The following TFDP2 variants were observed in gnomAD, a reference collection of about 807,000 sequenced individuals.
TFDP2 encodes transcription factor Dp-2.
In TFDP2, 17 loss-of-function variants were observed where a neutral mutation model predicts 59.3. The ratio of observed to expected loss-of-function variants is 0.29; its 90% CI spans 0.20 to 0.43. The LOEUF is 0.43. TFDP2 is among the 20% of genes least tolerant of loss of function. The pLI, the probability that TFDP2 is intolerant of heterozygous loss-of-function variation, is 1.00. For missense variants in TFDP2, 391 were observed against 528.8 expected (o/e 0.74, Z 2.56); for synonymous variants, 180 against 194.7 (o/e 0.92, Z 0.63).
At chr3:142,051,752 G>A (rs558559771) in intron 3 of TFDP2, among the ~76,000 whole-genome samples, 1 of 152,256 alleles carries the variant, frequency 6.6e-6, no homozygotes, top group East Asian at 1.9e-4. Flanking sequence ...TTTTTGACTG[G>A]TTGTTGCTGG....
intron 1 of TFDP2, among the ~76,000 whole-genome samples, chr3:142,114,711 A>C (rs937005253): frequency 7.2e-5 from 11 of 152,046 alleles, no homozygotes; most frequent in Non-Finnish European, 1.6e-4. Flanking sequence ...GGAAAGTTGA[A>C]TGATGTATGT....
In TFDP2 at chr3:141,952,254, T is replaced by C. The variant is rs950080923; in HGVS notation, c.*259A>G. On this transcript the variant is annotated 3_prime_UTR_variant, in exon 13 of 13. Transcript: ENST00000489671. ...CACACTGCCAACTCTTCAGGGATTA[T>C]CCCCACTATCTCCTCAGAAAGCATG... The C allele has an allele frequency of 6.0e-6, 2 of 332,920 alleles. No homozygotes were observed. Among genetic ancestry groups the C allele is most frequent in the South Asian group, 7.4e-5 (1 of 13,596 alleles). The allele number at this position is 332,920 out of a possible 1,614,324, so 20.6% of individuals were successfully genotyped here.
intron 9 of TFDP2, among the ~76,000 whole-genome samples, chr3:141,968,561 T>G (rs1478697098): frequency 2.7e-5 from 3 of 109,970 alleles, no homozygotes; most frequent in African/African-American, 3.9e-5. Flanking sequence ...CTCATATATA[T>G]AGATATATAT....
chr3:142,005,789 T>C (rs1944159132), intron 3 of TFDP2, among the ~76,000 whole-genome samples: 1 of 152,208 alleles, frequency 6.6e-6, no homozygotes, highest in East Asian at 1.9e-4. Flanking sequence ...ATAAAATAAA[T>C]AGTTCCAATT....
At chr3:142,021,519 A>G (rs1208161336) in intron 3 of TFDP2, among the ~76,000 whole-genome samples, 1 of 152,156 alleles carries the variant, frequency 6.6e-6, no homozygotes, top group African/African-American at 2.4e-5. Context: ...AATAAATCTT[A>G]TATGTCAGTC....
At chr3:142,136,822 T>C (rs1297883084) in intron 1 of TFDP2, among the ~76,000 whole-genome samples, 1 of 152,104 alleles carries the variant, frequency 6.6e-6, no homozygotes, top group Admixed American at 6.5e-5. Flanking sequence ...TCAGGTACCA[T>C]GTTGCCTCCA....
At chr3:142,034,546 A>G (rs1576790497) in intron 3 of TFDP2, among the ~76,000 whole-genome samples, 1 of 152,138 alleles carries the variant, frequency 6.6e-6, no homozygotes, top group Admixed American at 6.5e-5. Flanking sequence ...CAAAAACCCA[A>G]TTTGGCTTCT....
intron 1 of TFDP2, among the ~76,000 whole-genome samples, chr3:142,114,628 A>T (rs1577018381): frequency 6.6e-6 from 1 of 151,834 alleles, no homozygotes; most frequent in Non-Finnish European, 1.5e-5. Flanking sequence ...CATTTTTCTC[A>T]ATTTTCAAGC....
chr3:142,034,118 G>A (rs186688949), intron 3 of TFDP2, among the ~76,000 whole-genome samples: 2,224 of 141,076 alleles, frequency 0.016, 67 homozygotes, highest in African/African-American at 0.056. Flanking sequence ...TTTTTGAGAC[G>A]GAGTTTTGCT....
intron 1 of TFDP2, among the ~76,000 whole-genome samples, chr3:142,128,892 A>T (rs2062381404): frequency 7.3e-6 from 1 of 136,686 alleles, no homozygotes; most frequent in Non-Finnish European, 1.5e-5. Context: ...GAAATAAATT[A>T]ATTATAAAAA....
At position 141,951,577 on chromosome 3, in the gene TFDP2, G is replaced by A. The variant is rs1935942562; in HGVS notation, c.*936C>T. The A allele has an allele frequency of 6.6e-6, 1 of 152,626 alleles. No individual in the cohort carries two copies. Among genetic ancestry groups the A allele is most frequent in the African/African-American group, 2.4e-5 (1 of 41,446 alleles). The allele number at this position is 152,626 out of a possible 1,614,324, so 9.5% of individuals were successfully genotyped here. On this transcript the variant is annotated 3_prime_UTR_variant, in exon 13 of 13. Coordinates refer to ENST00000489671, the MANE Select transcript of TFDP2 (RefSeq NM_001178139.2). Reference sequence around the variant, plus strand: ...GACATTTGGTTCATTTTCACAAATTGCACACTGGGTGAGATCATACAATTA... The same window carrying A: ...GACATTTGGTTCATTTTCACAAATTACACACTGGGTGAGATCATACAATTA...
intron 6 of TFDP2, among the ~76,000 whole-genome samples, chr3:141,985,041 CT>C (rs1437294415): frequency 1.3e-5 from 2 of 151,916 alleles, no homozygotes; most frequent in Non-Finnish European, 2.9e-5. Context: ...TGGTTAACTA[CT>C]ACTGCTGCCA....
intron 1 of TFDP2, among the ~76,000 whole-genome samples, chr3:142,103,833 C>T (rs944611567): frequency 2.6e-5 from 4 of 151,548 alleles, no homozygotes; most frequent in Admixed American, 2.0e-4. Flanking sequence ...AAATGGCTGC[C>T]TTATATGTTA....
At chr3:142,041,106 T>C (rs75465423) in intron 3 of TFDP2, among the ~76,000 whole-genome samples, 7,397 of 152,232 alleles carry the variant, frequency 0.049, 602 homozygotes, top group African/African-American at 0.17. Flanking sequence ...GAATTATCAA[T>C]CCTAAAGGAA....
intron 1 of TFDP2, among the ~76,000 whole-genome samples, chr3:142,107,826 A>C (rs974018203): frequency 1.3e-5 from 2 of 152,186 alleles, no homozygotes; most frequent in African/African-American, 4.8e-5. Flanking sequence ...CTGACTTGAG[A>C]TATAATAAAT....
At chr3:142,062,186 C>T (rs2059938384) in intron 3 of TFDP2, among the ~76,000 whole-genome samples, 1 of 151,964 alleles carries the variant, frequency 6.6e-6, no homozygotes, top group South Asian at 2.1e-4. Flanking sequence ...CTCTGGCTTA[C>T]TTTATTGTAA....
At chr3:142,134,026 T>G (rs1387193183) in intron 1 of TFDP2, among the ~76,000 whole-genome samples, 2 of 130,916 alleles carry the variant, frequency 1.5e-5, no homozygotes, top group Non-Finnish European at 3.3e-5. Flanking sequence ...AGAGCAAGAC[T>G]CTGTCTCCAG....
At chr3:142,087,640 A>G (rs1031103223) in intron 3 of TFDP2, among the ~76,000 whole-genome samples, 3 of 151,922 alleles carry the variant, frequency 2.0e-5, no homozygotes, top group Admixed American at 1.3e-4. Flanking sequence ...AGCTGGGACT[A>G]CAGGTACACG....
intron 3 of TFDP2, among the ~76,000 whole-genome samples, chr3:142,066,485 C>T (rs531282666): frequency 4.6e-5 from 7 of 152,100 alleles, no homozygotes; most frequent in Admixed American, 4.6e-4. Flanking sequence ...TACCACAAAG[C>T]CTATTTTATA....
Sources: allele counts gnomAD v4.1 joint callset (sites outside exome capture counted in the v4.1 genomes callset), GRCh38; gene constraint gnomAD v4.1.1; transcripts MANE v1.5; gene names NCBI Gene and HGNC (gene_info 2026-07-23, HGNC 2026-07-21).